DSCAM: variants seen among roughly 807,000 people sequenced by gnomAD.
DSCAM encodes the protein DS cell adhesion molecule.
Under a neutral mutation model 217.7 loss-of-function variants are expected in DSCAM, and 47 were observed. That is an observed-to-expected ratio of 0.22 (90% CI 0.17 to 0.28). The LOEUF (loss-of-function observed/expected upper bound fraction) is 0.28, where lower values mean the gene tolerates loss of function less well. Among genes scored for constraint, DSCAM ranks in the 10% least tolerant of loss-of-function variants. The pLI is 1.00. For missense variants in DSCAM, 2,080 were observed against 2,618.3 expected, an observed-to-expected ratio of 0.79 and a Z score of 4.49; for synonymous variants, 1,056 against 1,015.3, an observed-to-expected ratio of 1.04 and a Z score of -0.76.
At chr21:40,526,607 C>T (rs922248212) in intron 3 of DSCAM, among the ~76,000 whole-genome samples, 8 of 152,134 alleles carry the variant, frequency 5.3e-5, no homozygotes, top group African/African-American at 1.7e-4. Flanking sequence ...AATGAGAGCC[C>T]TCGAGGTAAC....
intron 1 of DSCAM, among the ~76,000 whole-genome samples, chr21:40,781,074 T>A: frequency 6.6e-6 from 1 of 152,022 alleles, no homozygotes. Flanking sequence ...AGTGGCACAA[T>A]CTTGGCTCAC....
chr21:40,396,427 A>C (rs1468534976), intron 3 of DSCAM, among the ~76,000 whole-genome samples: 1 of 152,146 alleles, frequency 6.6e-6, no homozygotes, highest in African/African-American at 2.4e-5. Context: ...TTCCCAACAC[A>C]AGGAGGCTGT....
At chr21:40,557,952 C>T (rs1246424759) in intron 3 of DSCAM, among the ~76,000 whole-genome samples, 2 of 152,198 alleles carry the variant, frequency 1.3e-5, no homozygotes, top group Non-Finnish European at 2.9e-5. Flanking sequence ...TACCTGTTTA[C>T]TGATCCTACA....
chr21:40,515,159 CAA>C (rs2076289971), intron 3 of DSCAM, among the ~76,000 whole-genome samples: 1 of 152,066 alleles, frequency 6.6e-6, no homozygotes, highest in African/African-American at 2.4e-5. Context: ...TCCAGATTTT[CAA>C]AAAGACTGCG....
At chr21:40,700,213 T>C (rs995657985) in intron 2 of DSCAM, among the ~76,000 whole-genome samples, 1 of 152,260 alleles carries the variant, frequency 6.6e-6, no homozygotes, top group African/African-American at 2.4e-5. Context: ...TTGCACAGGA[T>C]AGAACCTCCA....
chr21:40,740,503 A>G (rs1006497229), intron 1 of DSCAM, among the ~76,000 whole-genome samples: 1 of 152,222 alleles, frequency 6.6e-6, no homozygotes, highest in African/African-American at 2.4e-5. Context: ...CAAAACTTCC[A>G]TGGAGCATCA....
intron 11 of DSCAM, among the ~76,000 whole-genome samples, chr21:40,228,262 G>A (rs1027614408): frequency 2.6e-5 from 4 of 152,126 alleles, no homozygotes; most frequent in African/African-American, 9.7e-5. Flanking sequence ...TTTCCATGTC[G>A]TCCTTTCTGG....
chr21:40,055,964 A>G (rs2089013336), intron 28 of DSCAM, 124 bp from the exon 29 acceptor site: 2 of 637,366 alleles, frequency 3.1e-6, no homozygotes, highest in East Asian at 2.6e-5. Flanking sequence ...GGAGGGGAAC[A>G]GAAAACGTAC....
At chr21:40,118,556 T>C (rs578196738) in intron 20 of DSCAM, among the ~76,000 whole-genome samples, 1 of 152,228 alleles carries the variant, frequency 6.6e-6, no homozygotes, top group African/African-American at 2.4e-5. Context: ...CACTGCACTA[T>C]AGCCTGGCGA....
At chr21:40,829,720 C>T (rs369188293) in intron 1 of DSCAM, among the ~76,000 whole-genome samples, 4 of 152,184 alleles carry the variant, frequency 2.6e-5, no homozygotes, top group Non-Finnish European at 2.9e-5. Flanking sequence ...ATTTTTAATC[C>T]AAATACCATA....
In DSCAM at chr21:40,830,670, C is replaced by T. The variant is rs142175564; in HGVS notation, c.43+15949G>A. 1.2e-4 allele frequency among the ~76,000 whole-genome samples: 19 copies of T among 152,160 alleles called. No homozygotes were observed. The South Asian group carries it at 2.7e-3, about 22-fold the overall frequency. Reference sequence around the variant, plus strand: ...TTCACCTTTGTAAGTCTTGAATTTCCGCAAGTGTAAAGTGGAAATAATACC... The same window carrying T: ...TTCACCTTTGTAAGTCTTGAATTTCTGCAAGTGTAAAGTGGAAATAATACC... On this transcript the variant is annotated intron_variant, in intron 1 of 32. Coordinates refer to ENST00000400454, the MANE Select transcript of DSCAM (RefSeq NM_001389.5).
At position 40,134,572 on chromosome 21, in the gene DSCAM, A is replaced by G. The variant is rs2090187884; in HGVS notation, c.3407-563T>C. ...AGTCTATAAGACAGTGTCTTTAACT[A>G]TAGTCACCACTTTGTACATTAGATC... is the stretch of plus-strand genomic sequence containing the variant. On this transcript the variant is annotated intron_variant, in intron 18 of 32. Transcript: ENST00000400454. Among the ~76,000 whole-genome samples, 3 of 152,224 alleles carry G rather than the reference A, an allele frequency of 2.0e-5. No homozygotes were observed. In the South Asian group the frequency reaches 6.2e-4, roughly 32 times the overall value.
At chr21:40,526,827 A>C (rs993907722) in intron 3 of DSCAM, among the ~76,000 whole-genome samples, 7 of 152,088 alleles carry the variant, frequency 4.6e-5, no homozygotes, top group African/African-American at 1.4e-4. Context: ...AGAAAAAAAA[A>C]ACAGAGCTCT....
intron 8 of DSCAM, among the ~76,000 whole-genome samples, chr21:40,332,853 A>G (rs1193994484): frequency 1.3e-5 from 2 of 152,252 alleles, no homozygotes; most frequent in African/African-American, 4.8e-5. Context: ...GCAAAGGGTT[A>G]TGACTATTGC....
intron 3 of DSCAM, among the ~76,000 whole-genome samples, chr21:40,437,532 T>C (rs1228253406): frequency 6.6e-6 from 1 of 152,132 alleles, no homozygotes. Context: ...AGAGGTTAAA[T>C]AACTTACTCA....
At chr21:40,285,989 A>G (rs928637919) in intron 10 of DSCAM, among the ~76,000 whole-genome samples, 1 of 152,100 alleles carries the variant, frequency 6.6e-6, no homozygotes, top group Non-Finnish European at 1.5e-5. Flanking sequence ...GGTCAAAACC[A>G]TGGGTGTGGA....
At chr21:40,602,053 C>CTTTTTTTTTTTT (rs761687929) in intron 3 of DSCAM, among the ~76,000 whole-genome samples, 14 of 89,520 alleles carry the variant, frequency 1.6e-4, no homozygotes, top group African/African-American at 2.4e-4. Context: ...TCTGCTTCTA[C>CTTTTTTTTTTTT]TTTTTTTTTT....
At chr21:40,542,653 T>G (rs2076551076) in intron 3 of DSCAM, among the ~76,000 whole-genome samples, 1 of 152,240 alleles carries the variant, frequency 6.6e-6, no homozygotes, top group South Asian at 2.1e-4. Context: ...ATGACAGATC[T>G]GCTGACAACC....
At chr21:40,569,502 G>C (rs540772264) in intron 3 of DSCAM, among the ~76,000 whole-genome samples, 22 of 152,288 alleles carry the variant, frequency 1.4e-4, no homozygotes, top group African/African-American at 4.3e-4. Flanking sequence ...TGTGAACTGC[G>C]GCATCAGCTC....
Sources: gnomAD v4.1 joint callset for allele counts (sites outside exome capture counted in the v4.1 genomes callset) on GRCh38, gnomAD v4.1.1 for gene constraint, MANE v1.5 for transcripts, NCBI Gene and HGNC (gene_info 2026-07-23, HGNC 2026-07-21) for gene names.